REV3L: variants seen among roughly 807,000 people sequenced by gnomAD.
The protein encoded by REV3L is DNA polymerase zeta catalytic subunit.
REV3L carries 69 observed loss-of-function variants against 299.4 expected under a neutral mutation model. The observed-to-expected ratio is 0.23, with a 90% confidence interval of 0.19 to 0.28. The LOEUF is 0.28. Among genes scored for constraint, REV3L ranks in the 10% least tolerant of loss-of-function variants. REV3L has a pLI of 1.00. For missense variants in REV3L, 3,128 were observed against 3,693.8 expected, an observed-to-expected ratio of 0.85 and a Z score of 3.97; for synonymous variants, 1,238 against 1,271.4, an observed-to-expected ratio of 0.97 and a Z score of 0.56.
At chr6:111,422,872 A>G (rs1785734119) in intron 1 of REV3L, among the ~76,000 whole-genome samples, 1 of 151,474 alleles carries the variant, frequency 6.6e-6, no homozygotes, top group Non-Finnish European at 1.5e-5. Context: ...AAATTTATTT[A>G]TGCCATTTTA....
rs772980312 is a variant in REV3L, at chr6:111,373,126, C to T, written c.5229G>A (p.Gln1743=). Residue 1743 remains glutamine, a synonymous_variant, in exon 13 of 32, where the codon CAG becomes CAA. Transcript: ENST00000368802. ...TTAGAGGATGAAAGCTATTTTTCCA[C>T]TGGTTGTGGCGACGATTCTCATTGC... ...IDSNENRRHN[Q]WKNSFHPLTT... 1.2e-6 allele frequency: 2 copies of T among 1,614,004 alleles called. No homozygotes were observed. Among genetic ancestry groups the T allele is most frequent in the Non-Finnish European group, 1.7e-6 (2 of 1,180,010 alleles).
chr6:111,430,105 G>C (rs1786709738), intron 1 of REV3L, among the ~76,000 whole-genome samples: 2 of 152,144 alleles, frequency 1.3e-5, no homozygotes, highest in African/African-American at 2.4e-5. Context: ...AAGCGAGATT[G>C]AGACGGGGTG....
chr6:111,435,268 A>G (rs909762351), intron 1 of REV3L, among the ~76,000 whole-genome samples: 1 of 152,242 alleles, frequency 6.6e-6, no homozygotes, highest in Non-Finnish European at 1.5e-5. Flanking sequence ...TGGAATCCCT[A>G]TCAACGTATA....
intron 31 of REV3L, among the ~76,000 whole-genome samples, chr6:111,302,383 T>TAA (rs1038052706): frequency 6.6e-6 from 1 of 152,290 alleles, no homozygotes; most frequent in African/African-American, 2.4e-5. Flanking sequence ...GTCTGATAAA[T>TAA]AAGCCAGGAT....
At chr6:111,443,593 A>G (rs756624948) in intron 1 of REV3L, among the ~76,000 whole-genome samples, 5 of 152,210 alleles carry the variant, frequency 3.3e-5, no homozygotes, top group Admixed American at 6.5e-5. Context: ...CTAAGACTAC[A>G]TTAGCCCTAC....
chr6:111,372,783 A>G lies in REV3L; in HGVS notation c.5572T>C (p.Ser1858Pro). Reference sequence around the variant, plus strand: ...TTAGATTGTGAAGGAGAGCTAGTAGATCTTGGTGAACTATCAGGAGTTGGT... The same window carrying G: ...TTAGATTGTGAAGGAGAGCTAGTAGGTCTTGGTGAACTATCAGGAGTTGGT... ...LTPTPDSSPR[S>P]TSSPSQSKNG... Residue 1858 changes from serine to proline, a missense_variant, in exon 13 of 32, where the codon TCT (serine) becomes CCT (proline). Physicochemically the swap from Ser to Pro is moderately conservative, Grantham distance 74 (BLOSUM62 -1). Coordinates refer to ENST00000368802, the MANE Select transcript of REV3L (RefSeq NM_001372078.1). 1 of 1,612,960 alleles carries G rather than the reference A, an allele frequency of 6.2e-7. No homozygotes were observed. Among genetic ancestry groups the G allele is most frequent in the South Asian group, 1.1e-5 (1 of 90,738 alleles).
chr6:111,309,885 C>A lies in REV3L; in HGVS notation c.9010G>T (p.Asp3004Tyr). The A allele has an allele frequency of 6.2e-7, 1 of 1,614,022 alleles. No homozygotes were observed. The highest frequency in any genetic ancestry group is 8.5e-7 in the Non-Finnish European group (1 of 1,179,936). ...LARIFSLIGI[D>Y]VFSWYHELPR... ...AATTCATGATACCAGCTGAAGACAT[C>A]AATACCAATAAGTGAGAAGATTCTT... Residue 3004 changes from aspartate (D) to tyrosine (Y), a missense_variant, in exon 30 of 32, where the codon GAT (aspartate) becomes TAT (tyrosine). Coordinates refer to ENST00000368802, the MANE Select transcript of REV3L (RefSeq NM_001372078.1).
chr6:111,303,165 C>CTTTTTTTTTTTTTTTTTTT (rs1189398273), intron 31 of REV3L, among the ~76,000 whole-genome samples: 4 of 92,342 alleles, frequency 4.3e-5, no homozygotes, highest in African/African-American at 1.6e-4. Flanking sequence ...TCTTTTCTTT[C>CTTTTTTTTTTTTTTTTTTT]TTTTTTTTTT....
Position 111,381,353 on chromosome 6 carries a change from G to C in REV3L, c.1188C>G (p.Thr396=). Residue 396 remains threonine, a synonymous_variant, in exon 10 of 32, where the codon ACC becomes ACG. Coordinates refer to ENST00000368802, the MANE Select transcript of REV3L (RefSeq NM_001372078.1). ...MENSQTFQPL[T]QRLSESPVFM... Reference sequence around the variant, plus strand: ...AAACAGGTGACTCACTCAGTCTTTGGGTCAAAGGCTGAAAAGTCTGACTAT... The same window carrying C: ...AAACAGGTGACTCACTCAGTCTTTGCGTCAAAGGCTGAAAAGTCTGACTAT... 2 of 1,613,222 alleles carry C rather than the reference G, an allele frequency of 1.2e-6. No homozygotes were observed. Among genetic ancestry groups the C allele is most frequent in the Non-Finnish European group, 1.7e-6 (2 of 1,179,660 alleles).
At chr6:111,418,241 C>T (rs1784966997) in intron 1 of REV3L, among the ~76,000 whole-genome samples, 1 of 152,050 alleles carries the variant, frequency 6.6e-6, no homozygotes, top group Non-Finnish European at 1.5e-5. Flanking sequence ...TAGTGCAATG[C>T]CATATTTTAC....
At position 111,482,815 on chromosome 6, in the gene REV3L, G is replaced by A; in HGVS notation, c.74C>T (p.Ser25Phe). ...CTTGACAGGGGCCTGGGTGAGGGGG[G>A]ATTGGCAGGTATCCAGCCCCTGCAG... ...SPLQGLDTCQ[S>F]PLTQAPVKKV... Residue 25 changes from serine to phenylalanine, a missense_variant, in exon 1 of 32, where the codon TCC becomes TTC. By Grantham distance (155) the Ser-to-Phe change is radical. Around this residue, in one of 9 missense-constraint regions of REV3L, gnomAD observed 48 missense variants for 42.8 expected, o/e 1.12. Coordinates refer to ENST00000368802, the MANE Select transcript of REV3L (RefSeq NM_001372078.1). 1.3e-6 allele frequency: 2 copies of A among 1,508,422 alleles called. No homozygotes were observed. Among genetic ancestry groups the A allele is most frequent in the Non-Finnish European group, 1.8e-6 (2 of 1,133,182 alleles). The allele number at this position is 1,508,422 out of a possible 1,614,324, so 93.4% of individuals were successfully genotyped here. A position where few individuals can be genotyped will look rare whatever the true frequency, so the allele number is the denominator to read the frequency against.
intron 18 of REV3L, among the ~76,000 whole-genome samples, chr6:111,355,203 A>G (rs982570222): frequency 6.6e-6 from 1 of 152,118 alleles, no homozygotes; most frequent in Non-Finnish European, 1.5e-5. Flanking sequence ...AAAATGGAAA[A>G]ATAAAGATAT....
chr6:111,476,315 C>G (rs1056050162), intron 1 of REV3L, among the ~76,000 whole-genome samples: 1 of 152,140 alleles, frequency 6.6e-6, no homozygotes, highest in Non-Finnish European at 1.5e-5. Context: ...ACCACCCTGC[C>G]TGGCTAACTT....
intron 1 of REV3L, among the ~76,000 whole-genome samples, chr6:111,467,691 T>C (rs1791672846): frequency 6.6e-6 from 1 of 152,230 alleles, no homozygotes. Context: ...GTGTAAGTGA[T>C]AATTTGAAGT....
At chr6:111,450,331 T>C (rs1364471486) in intron 1 of REV3L, among the ~76,000 whole-genome samples, 1 of 151,754 alleles carries the variant, frequency 6.6e-6, no homozygotes, top group Non-Finnish European at 1.5e-5. Context: ...ATTAAAAAAT[T>C]AGCCAGGCAC....
At chr6:111,320,815 A>G (rs1774082851) in intron 26 of REV3L, among the ~76,000 whole-genome samples, 1 of 152,078 alleles carries the variant, frequency 6.6e-6, no homozygotes, top group South Asian at 2.1e-4. Context: ...ATGTCCGGCT[A>G]ATTTTTAAAT....
intron 17 of REV3L, among the ~76,000 whole-genome samples, chr6:111,358,211 G>T (rs889156627): frequency 6.6e-6 from 1 of 152,092 alleles, no homozygotes; most frequent in African/African-American, 2.4e-5. Context: ...AGAGATATAA[G>T]CAAAGTAAGA....
intron 21 of REV3L, among the ~76,000 whole-genome samples, chr6:111,335,984 T>A (rs1775857111): frequency 6.6e-6 from 1 of 151,836 alleles, no homozygotes; most frequent in Admixed American, 6.6e-5. Context: ...ATTTATCATA[T>A]CTATAGATTT....
chr6:111,448,336 TTTTTC>T lies in REV3L; in HGVS notation c.140-31869_140-31865del, dbSNP rs532962475. 6.6e-3 allele frequency among the ~76,000 whole-genome samples: 1,011 copies of T among 152,254 alleles called. 6 individuals carry two copies. Among genetic ancestry groups the T allele is most frequent in the Non-Finnish European group, 0.011 (731 of 68,028 alleles). ...CCCCTTTTTATTGGAGGTTTTCTTT[TTTTTC>T]TTTTCTTTTTTTTTTGAGACAAGGT... On this transcript the variant is annotated intron_variant, in intron 1 of 31. Transcript: ENST00000368802.
Sources: allele counts gnomAD v4.1 joint callset (sites outside exome capture counted in the v4.1 genomes callset), GRCh38; gene constraint gnomAD v4.1.1; regional missense constraint gnomAD v4.1.1; transcripts MANE v1.5; gene names NCBI Gene and HGNC (gene_info 2026-07-23, HGNC 2026-07-21).